The following OR3A2 variants were observed in gnomAD, a reference collection of about 807,000 sequenced individuals.
OR3A2 encodes olfactory receptor 3A2.
For missense variants in OR3A2, 318 were observed against 392.8 expected (o/e 0.81, Z 1.61); for synonymous variants, 126 against 159.3 (o/e 0.79, Z 1.57).
chr17:3,352,362 T>C (rs1219860752), intron 2 of OR3A2, among the ~76,000 whole-genome samples: 2 of 151,942 alleles, frequency 1.3e-5, no homozygotes, highest in Admixed American at 6.6e-5. Context: ...CCCAATGTTT[T>C]GTTTTAGTAG....
intron 2 of OR3A2, among the ~76,000 whole-genome samples, chr17:3,358,417 C>A (rs1230669445): frequency 1.3e-5 from 2 of 151,610 alleles, no homozygotes; most frequent in African/African-American, 4.9e-5. Flanking sequence ...GCATTTAGTG[C>A]TATGAATTTC....
At chr17:3,286,168 T>C (rs943883955), upstream of OR3A2, among the ~76,000 whole-genome samples, 6 of 152,240 alleles carry the variant, frequency 3.9e-5, no homozygotes, top group Non-Finnish European at 8.8e-5. Context: ...ATGTGGTGTT[T>C]GGTTTTCTGT....
chr17:3,329,971 C>A (rs1358614114), intron 3 of OR3A2, among the ~76,000 whole-genome samples: 5 of 146,048 alleles, frequency 3.4e-5, no homozygotes, highest in African/African-American at 1.1e-4. Flanking sequence ...CGTTATGTAT[C>A]CAGTAGTCAT....
chr17:3,372,153 G>A (rs1211993839), intron 2 of OR3A2, among the ~76,000 whole-genome samples: 3 of 150,614 alleles, frequency 2.0e-5, no homozygotes, highest in Non-Finnish European at 3.0e-5. Context: ...ACAGGGTCGC[G>A]GCCGGGTAGA....
At chr17:3,288,328 A>G (rs2048834723), upstream of OR3A2, among the ~76,000 whole-genome samples, 1 of 151,478 alleles carries the variant, frequency 6.6e-6, no homozygotes, top group Non-Finnish European at 1.5e-5. Context: ...TACAGTTATG[A>G]GCTGTATAAT....
At chr17:3,375,316 T>TC (rs2049674518) in intron 2 of OR3A2, among the ~76,000 whole-genome samples, 1 of 147,004 alleles carries the variant, frequency 6.8e-6, no homozygotes, top group South Asian at 2.2e-4. Flanking sequence ...TTTTTTTTTT[T>TC]CTTTTTGAGA....
intron 3 of OR3A2, among the ~76,000 whole-genome samples, chr17:3,306,383 T>C (rs78907479): frequency 6.6e-6 from 1 of 151,758 alleles, no homozygotes; most frequent in African/African-American, 2.4e-5. Flanking sequence ...CCTCAAGCAA[T>C]CCCCCCACTC....
At chr17:3,348,165 G>A (rs1201032799) in intron 2 of OR3A2, among the ~76,000 whole-genome samples, 2 of 152,038 alleles carry the variant, frequency 1.3e-5, no homozygotes, top group South Asian at 2.1e-4. Flanking sequence ...AGATGAGTAG[G>A]TTGTGAAAAT....
chr17:3,314,443 T>C (rs1042163792), intron 3 of OR3A2, among the ~76,000 whole-genome samples: 3 of 152,164 alleles, frequency 2.0e-5, no homozygotes, highest in Admixed American at 2.0e-4. Context: ...AGTGAACGTA[T>C]TGACATGAGA....
chr17:3,326,950 T>C (rs906396044), intron 3 of OR3A2, among the ~76,000 whole-genome samples: 1 of 99,676 alleles, frequency 1.0e-5, no homozygotes, highest in African/African-American at 4.8e-5. Flanking sequence ...ATCCAGTCTA[T>C]CATTGTTGGA....
rs146396787 is a variant in OR3A2, at chr17:3,382,893, GACA to G, written c.-179+908_-179+910del. Reference sequence around the variant, plus strand: ...ACATTGTGCCTAGCTGGAGGTCAAGGACAACGACTGGCCTTTCTTCAGAGCCCC... The same window carrying G: ...ACATTGTGCCTAGCTGGAGGTCAAGGACGACTGGCCTTTCTTCAGAGCCCC... On this transcript the variant is annotated intron_variant, in intron 2 of 4. Transcript: ENST00000573491. 2.8e-3 allele frequency among the ~76,000 whole-genome samples: 433 copies of G among 152,218 alleles called. 3 individuals are homozygous for G. Among genetic ancestry groups the G allele is most frequent in the African/African-American group, 9.9e-3 (410 of 41,530 alleles).
chr17:3,355,947 G>C (rs2049462927), intron 2 of OR3A2, among the ~76,000 whole-genome samples: 1 of 150,204 alleles, frequency 6.7e-6, no homozygotes, highest in Non-Finnish European at 1.5e-5. Flanking sequence ...ATTTGCTCTG[G>C]TGATATCATT....
chr17:3,364,225 T>G (rs572312747), intron 2 of OR3A2, among the ~76,000 whole-genome samples: 2 of 152,356 alleles, frequency 1.3e-5, no homozygotes, highest in East Asian at 3.9e-4. Context: ...TATTGTATTT[T>G]TAATTGACAG....
intron 3 of OR3A2, chr17:3,291,787 C>T (rs2048870616): frequency 1.2e-6 from 2 of 1,613,644 alleles, no homozygotes; most frequent in Non-Finnish European, 1.7e-6. Flanking sequence ...TTGGTTGAAC[C>T]CAGTCGCATA....
At chr17:3,277,841 A>G (rs2048749141) in exon 2 of OR3A2, 3 of 977,870 alleles carry the variant, frequency 3.1e-6, no homozygotes, top group East Asian at 2.4e-5. Context: ...TAGGACAAAT[A>G]TGTAACACCG....
At chr17:3,334,859 T>A (rs1395241863) in intron 3 of OR3A2, among the ~76,000 whole-genome samples, 1 of 152,174 alleles carries the variant, frequency 6.6e-6, no homozygotes, top group African/African-American at 2.4e-5. Context: ...ATGTAGTAAG[T>A]TTTTTAACTA....
intron 3 of OR3A2, among the ~76,000 whole-genome samples, chr17:3,295,763 A>G (rs934184963): frequency 2.0e-5 from 3 of 152,130 alleles, no homozygotes; most frequent in African/African-American, 7.2e-5. Flanking sequence ...ACGAAAATAA[A>G]GCAGGGATCA....
chr17:3,336,213 T>A (rs1468044419), intron 2 of OR3A2, 87 bp from the exon 2 acceptor site: 2 of 152,214 alleles, frequency 1.3e-5, no homozygotes, highest in Non-Finnish European at 2.9e-5. Flanking sequence ...TAGGCTAAAA[T>A]TCTAAAACTG....
At position 3,331,032 on chromosome 17, in the gene OR3A2, C is replaced by A. The variant is rs374686144; in HGVS notation, c.-85+5001G>T. Among the ~76,000 whole-genome samples the A allele has an allele frequency of 8.5e-5, 13 of 152,172 alleles. 1 individual carries two copies. In the South Asian group the frequency reaches 2.7e-3, roughly 32 times the overall value. On this transcript the variant is annotated intron_variant, in intron 3 of 4. Coordinates refer to the OR3A2 transcript ENST00000573491. ...AAATTCTTTTCTTTAAGAATGTTGA[C>A]TATTGGCCCCCACTCTCTTCTGGCT...
Sources: gnomAD v4.1 joint callset for allele counts (sites outside exome capture counted in the v4.1 genomes callset) on GRCh38, gnomAD v4.1.1 for gene constraint, MANE v1.5 for transcripts, NCBI Gene and HGNC (gene_info 2026-07-23, HGNC 2026-07-21) for gene names.